CSGALNACT1: variants seen among roughly 807,000 people sequenced by gnomAD.
The protein encoded by CSGALNACT1 is chondroitin sulfate N-acetylgalactosaminyltransferase 1.
A neutral mutation model predicts 51.0 loss-of-function variants in CSGALNACT1; 52 were observed. That is an observed-to-expected ratio of 1.02 (90% CI 0.82 to 1.29). The LOEUF (loss-of-function observed/expected upper bound fraction) is 1.29. Ranked by LOEUF, CSGALNACT1 falls within the 50% of genes most tolerant of loss-of-function variation. CSGALNACT1 has a pLI of 0.00. For missense variants in CSGALNACT1, 935 were observed against 679.2 expected (o/e 1.38, Z -4.19); for synonymous variants, 341 against 254.4 (o/e 1.34, Z -3.24).
At chr8:19,506,222 G>A in intron 3 of CSGALNACT1, 92 bp from the exon 3 acceptor site, 1 of 417,540 alleles carries the variant, frequency 2.4e-6, no homozygotes, top group South Asian at 1.9e-5. Flanking sequence ...GATCTCCTGT[G>A]AGAGTTATGG....
At chr8:19,654,173 A>T (rs748702084) in intron 1 of CSGALNACT1, among the ~76,000 whole-genome samples, 2 of 152,244 alleles carry the variant, frequency 1.3e-5, no homozygotes, top group Non-Finnish European at 2.9e-5. Flanking sequence ...TCAGTAAGTC[A>T]GTAATAGTCA....
chr8:19,446,075 C>T (rs761751254), intron 5 of CSGALNACT1, among the ~76,000 whole-genome samples: 8 of 151,836 alleles, frequency 5.3e-5, no homozygotes, highest in Non-Finnish European at 7.4e-5. Context: ...TTTGGGAGGC[C>T]GAGGGAGGAG....
intron 1 of CSGALNACT1, among the ~76,000 whole-genome samples, chr8:19,657,183 G>A (rs34018695): frequency 0.35 from 52,547 of 151,470 alleles, 9,870 homozygotes; most frequent in East Asian, 0.6. Context: ...TGCACTTGGA[G>A]ATAGAGCTGT....
intron 1 of CSGALNACT1, among the ~76,000 whole-genome samples, chr8:19,707,456 G>C (rs576170116): frequency 2.3e-4 from 35 of 152,224 alleles, no homozygotes; most frequent in African/African-American, 8.4e-4. Flanking sequence ...TTGATCAAAA[G>C]GAAGGAATTA....
intron 1 of CSGALNACT1, among the ~76,000 whole-genome samples, chr8:19,623,046 A>C (rs1564283708): frequency 6.6e-6 from 1 of 152,214 alleles, no homozygotes; most frequent in Non-Finnish European, 1.5e-5. Context: ...CATGTATCCC[A>C]GAACTTAAAG....
At chr8:19,446,875 C>T (rs1476400345) in intron 5 of CSGALNACT1, among the ~76,000 whole-genome samples, 3 of 151,954 alleles carry the variant, frequency 2.0e-5, no homozygotes, top group Admixed American at 2.0e-4. Context: ...AAAACAACAA[C>T]AAAAATAAAC....
chr8:19,416,039 A>G (rs1256890822), intron 8 of CSGALNACT1, among the ~76,000 whole-genome samples: 1 of 152,170 alleles, frequency 6.6e-6, no homozygotes, highest in Non-Finnish European at 1.5e-5. Flanking sequence ...ATTTCCGTCA[A>G]CAACAGGCTG....
At chr8:19,459,304 A>T (rs1448927841) in intron 4 of CSGALNACT1, among the ~76,000 whole-genome samples, 1 of 147,918 alleles carries the variant, frequency 6.8e-6, no homozygotes. Flanking sequence ...AATCGCTTGA[A>T]CTCGGGAGGC....
At chr8:19,535,911 C>G (rs184399135) in intron 3 of CSGALNACT1, among the ~76,000 whole-genome samples, 4 of 152,014 alleles carry the variant, frequency 2.6e-5, no homozygotes, top group Admixed American at 2.6e-4. Flanking sequence ...TCCTTTCAGA[C>G]TGGGAACAAA....
chr8:19,743,236 ATACAT>A (rs1163091287), intron 1 of CSGALNACT1, among the ~76,000 whole-genome samples: 1 of 152,206 alleles, frequency 6.6e-6, no homozygotes, highest in African/African-American at 2.4e-5. Flanking sequence ...TCCGATAACC[ATACAT>A]TACATGAAAC....
intron 1 of CSGALNACT1, among the ~76,000 whole-genome samples, chr8:19,625,764 A>G (rs2054371781): frequency 6.6e-6 from 1 of 152,218 alleles, no homozygotes; most frequent in African/African-American, 2.4e-5. Flanking sequence ...CCTTAAGGCA[A>G]GTGGAAAATC....
At chr8:19,523,054 C>G (rs567642836) in intron 3 of CSGALNACT1, among the ~76,000 whole-genome samples, 130 of 152,280 alleles carry the variant, frequency 8.5e-4, no homozygotes, top group African/African-American at 3.0e-3. Flanking sequence ...TCGTGTGAAG[C>G]TGCAACAATT....
rs1021513320 is a variant in CSGALNACT1 at position 19,734,869 on chromosome 8, A to C, written c.-297+22981T>G. On this transcript the variant is annotated intron_variant, in intron 1 of 1. Coordinates refer to the CSGALNACT1 transcript ENST00000517494. ...GTGTATGTATATTATAAATATACAT[A>C]TACATTATAAATGTATATCTGAATG... is the stretch of plus-strand genomic sequence containing the variant. Among the ~76,000 whole-genome samples the C allele has an allele frequency of 3.7e-4, 57 of 152,130 alleles. 1 individual carries two copies. The highest frequency in any genetic ancestry group is 2.6e-3 in the Admixed American group (40 of 15,274).
intron 1 of CSGALNACT1, among the ~76,000 whole-genome samples, chr8:19,752,400 G>A (rs956885295): frequency 1.3e-5 from 2 of 152,174 alleles, no homozygotes; most frequent in African/African-American, 4.8e-5. Context: ...TACCACAGAC[G>A]AAGGGGTTCC....
intron 3 of CSGALNACT1, among the ~76,000 whole-genome samples, chr8:19,580,811 CA>C (rs2045400377): frequency 6.6e-6 from 1 of 152,006 alleles, no homozygotes; most frequent in African/African-American, 2.4e-5. Context: ...AGAATCTTAC[CA>C]GATACCTAGC....
At chr8:19,592,989 A>G (rs1477696998) in intron 2 of CSGALNACT1, among the ~76,000 whole-genome samples, 1 of 152,206 alleles carries the variant, frequency 6.6e-6, no homozygotes, top group Non-Finnish European at 1.5e-5. Context: ...TTGACTTACA[A>G]TAGGCTTATC....
intron 1 of CSGALNACT1, among the ~76,000 whole-genome samples, chr8:19,632,483 C>G (rs1159347873): frequency 6.6e-6 from 1 of 152,214 alleles, no homozygotes; most frequent in Non-Finnish European, 1.5e-5. Context: ...ATCAAAAAAG[C>G]ATTCGTCAGA....
At chr8:19,576,373 A>G (rs193277818) in intron 3 of CSGALNACT1, among the ~76,000 whole-genome samples, 54 of 152,160 alleles carry the variant, frequency 3.5e-4, no homozygotes, top group Non-Finnish European at 2.9e-4. Flanking sequence ...TTGTATTTTT[A>G]GTAGAGACGG....
At chr8:19,662,979 C>A (rs1293985291) in intron 1 of CSGALNACT1, among the ~76,000 whole-genome samples, 1 of 152,122 alleles carries the variant, frequency 6.6e-6, no homozygotes, top group East Asian at 1.9e-4. Flanking sequence ...TGTAATGATG[C>A]AAGGAAAAGG....
Sources: gnomAD v4.1 joint callset for allele counts (sites outside exome capture counted in the v4.1 genomes callset) on GRCh38, gnomAD v4.1.1 for gene constraint, MANE v1.5 for transcripts, NCBI Gene and HGNC (gene_info 2026-07-23, HGNC 2026-07-21) for gene names.